Variants in TSHZ2 observed in about 807,000 individuals in gnomAD.
TSHZ2 encodes the protein teashirt zinc finger homeobox 2.
A neutral mutation model predicts 74.4 loss-of-function variants in TSHZ2; 21 were observed. The observed-to-expected ratio is 0.28, with a 90% CI of 0.20 to 0.41. TSHZ2 has a LOEUF of 0.41. Among genes scored for constraint, TSHZ2 ranks in the 10% least tolerant of loss-of-function variants. The pLI is 1.00. For missense variants in TSHZ2, 1,244 were observed against 1,293.5 expected (o/e 0.96, Z 0.59); for synonymous variants, 540 against 515.3 (o/e 1.05, Z -0.65).
At chr20:53,168,444 A>G (rs1367756620) in intron 1 of TSHZ2, among the ~76,000 whole-genome samples, 1 of 152,232 alleles carries the variant, frequency 6.6e-6, no homozygotes, top group Non-Finnish European at 1.5e-5. Flanking sequence ...CCACTCAAAT[A>G]TACCAATCCT....
chr20:53,170,192 CT>C (rs1988164638), intron 1 of TSHZ2, among the ~76,000 whole-genome samples: 1 of 152,210 alleles, frequency 6.6e-6, no homozygotes, highest in Non-Finnish European at 1.5e-5. Context: ...GATTACACTG[CT>C]TTTCTAGGGC....
intron 2 of TSHZ2, among the ~76,000 whole-genome samples, chr20:53,414,156 A>T (rs117935642): frequency 2.7e-3 from 406 of 152,234 alleles, no homozygotes; most frequent in South Asian, 3.9e-3. Flanking sequence ...TAAAAAATTT[A>T]AAAAGAATAA....
chr20:53,007,693 GGT>G (rs965751153), intron 1 of TSHZ2, among the ~76,000 whole-genome samples: 4 of 150,488 alleles, frequency 2.7e-5, no homozygotes, highest in East Asian at 3.9e-4. Context: ...ATGCGTGTGT[GGT>G]GTGTGTGTAT....
At position 53,108,685 on chromosome 20, in the gene TSHZ2, G is replaced by A. The variant is rs1001976589; in HGVS notation, c.40+135352G>A. ...CAAAGAGATGAAATAATCCATCCTT[G>A]GTTTATTTCTAGATGATTAATCTCT... On this transcript the variant is annotated intron_variant, in intron 1 of 2. Coordinates refer to ENST00000371497, the MANE Select transcript of TSHZ2 (RefSeq NM_173485.6). Among the ~76,000 whole-genome samples, 37 of 152,160 alleles carry A rather than the reference G, an allele frequency of 2.4e-4. 2 individuals are homozygous for A. The highest frequency in any genetic ancestry group is 1.7e-3 in the Admixed American group (26 of 15,294).
At chr20:53,207,702 G>T (rs1483710078) in intron 1 of TSHZ2, among the ~76,000 whole-genome samples, 1 of 151,766 alleles carries the variant, frequency 6.6e-6, no homozygotes, top group Non-Finnish European at 1.5e-5. Flanking sequence ...TTAGAGATGG[G>T]GTCTTGCCCT....
At chr20:53,226,190 C>T (rs1448399497) in intron 1 of TSHZ2, among the ~76,000 whole-genome samples, 1 of 150,942 alleles carries the variant, frequency 6.6e-6, no homozygotes, top group Non-Finnish European at 1.5e-5. Context: ...AACTCAGCTA[C>T]TAATAAACCC....
At chr20:53,352,777 C>CAAAA (rs869247919) in intron 2 of TSHZ2, among the ~76,000 whole-genome samples, 12 of 65,428 alleles carry the variant, frequency 1.8e-4, no homozygotes, top group East Asian at 4.6e-4. Context: ...CTGTCTCAAA[C>CAAAA]AAAAAAAAAA....
chr20:52,979,957 A>C (rs1343871822), intron 1 of TSHZ2, among the ~76,000 whole-genome samples: 1 of 152,224 alleles, frequency 6.6e-6, no homozygotes, highest in Non-Finnish European at 1.5e-5. Flanking sequence ...AATTCTGCTC[A>C]TCTAAATGAG....
At chr20:53,381,878 G>A (rs1299583578) in intron 2 of TSHZ2, among the ~76,000 whole-genome samples, 1 of 152,192 alleles carries the variant, frequency 6.6e-6, no homozygotes, top group Non-Finnish European at 1.5e-5. Flanking sequence ...AGGGTTACCT[G>A]CTGTCCCATG....
intron 1 of TSHZ2, among the ~76,000 whole-genome samples, chr20:53,250,994 A>T (rs1026889629): frequency 6.6e-6 from 1 of 152,152 alleles, no homozygotes; most frequent in Non-Finnish European, 1.5e-5. Context: ...ACAAAATAAC[A>T]TGAATTACTT....
chr20:53,236,306 A>G (rs1375530544), intron 1 of TSHZ2, among the ~76,000 whole-genome samples: 1 of 152,066 alleles, frequency 6.6e-6, no homozygotes, highest in Non-Finnish European at 1.5e-5. Flanking sequence ...ATCTAACCCA[A>G]CCAGTAGGTT....
At chr20:52,987,085 C>T (rs544171455) in intron 1 of TSHZ2, among the ~76,000 whole-genome samples, 17 of 152,132 alleles carry the variant, frequency 1.1e-4, no homozygotes, top group Non-Finnish European at 2.4e-4. Context: ...ATTAAAACTT[C>T]CAAAAACTTT....
intron 2 of TSHZ2, among the ~76,000 whole-genome samples, chr20:53,273,983 A>G (rs1421284560): frequency 1.3e-5 from 2 of 152,144 alleles, no homozygotes; most frequent in Admixed American, 1.3e-4. Flanking sequence ...CATTCCGATA[A>G]AAGTAAACCA....
chr20:53,138,323 G>T (rs1388208351), intron 1 of TSHZ2, among the ~76,000 whole-genome samples: 1 of 151,636 alleles, frequency 6.6e-6, no homozygotes, highest in Non-Finnish European at 1.5e-5. Context: ...GGCTGAGCTT[G>T]CAGTGAGCAG....
intron 2 of TSHZ2, among the ~76,000 whole-genome samples, chr20:53,313,961 A>C (rs1037407218): frequency 6.6e-6 from 1 of 152,158 alleles, no homozygotes; most frequent in Non-Finnish European, 1.5e-5. Flanking sequence ...TATTGGTTCC[A>C]TTATATTCTA....
At chr20:53,056,932 C>T (rs1385125183) in intron 1 of TSHZ2, among the ~76,000 whole-genome samples, 1 of 152,114 alleles carries the variant, frequency 6.6e-6, no homozygotes, top group African/African-American at 2.4e-5. Context: ...GTGTCCCCAC[C>T]CAAATCTCAT....
chr20:53,142,347 GAACAGAAGGCCACGT>G (rs750830937), intron 1 of TSHZ2, among the ~76,000 whole-genome samples: 22 of 152,220 alleles, frequency 1.4e-4, no homozygotes, highest in African/African-American at 5.1e-4. Flanking sequence ...AAGAACAGGA[GAACAGAAGGCCACGT>G]GCTTCTCTTC....
At chr20:53,049,421 A>G (rs1984343905) in intron 1 of TSHZ2, among the ~76,000 whole-genome samples, 1 of 152,076 alleles carries the variant, frequency 6.6e-6, no homozygotes, top group Non-Finnish European at 1.5e-5. Context: ...CTCAACTGAG[A>G]GGTCACCTCC....
intron 2 of TSHZ2, among the ~76,000 whole-genome samples, chr20:53,484,496 A>G (rs755727924): frequency 3.3e-5 from 5 of 149,492 alleles, no homozygotes; most frequent in Non-Finnish European, 7.4e-5. Context: ...AGCGATTCTC[A>G]TGCCTCAGCC....
Sources: allele counts gnomAD v4.1 joint callset (sites outside exome capture counted in the v4.1 genomes callset), GRCh38; gene constraint gnomAD v4.1.1; transcripts MANE v1.5; gene names NCBI Gene and HGNC (gene_info 2026-07-23, HGNC 2026-07-21).